UNKL: variants seen among roughly 807,000 people sequenced by gnomAD.
UNKL encodes the protein putative E3 ubiquitin-protein ligase UNKL.
UNKL carries 60 observed loss-of-function variants against 78.0 expected under a neutral mutation model. The ratio of observed to expected loss-of-function variants is 0.77; its 90% CI spans 0.63 to 0.95. UNKL has a LOEUF of 0.95. Ranked by LOEUF, UNKL falls within the 40% of genes least tolerant of loss-of-function variation. The pLI is 0.00. For missense variants in UNKL, 1,159 were observed against 1,045.7 expected, an observed-to-expected ratio of 1.11 and a Z score of -1.49; for synonymous variants, 608 against 474.8, an observed-to-expected ratio of 1.28 and a Z score of -3.65.
Position 1,414,019 on chromosome 16 carries a change from CAG to C in UNKL, c.112_113del (p.Leu38ValfsTer115), listed in dbSNP as rs1219580427. Reference protein sequence around the residue: ...LKEFRTEQCPLFSQHKCAQHR... With the variant: ...LKEFRTEQCPXFSQHKCAQHR... ...GCTGCGCGCACTTGTGCTGTGAAAA[CAG>C]GGGGCACTGCTCCGTCCTGAACTCC... is the stretch of plus-strand genomic sequence containing the variant. On this transcript the variant is annotated frameshift_variant, in exon 2 of 15. Coordinates refer to ENST00000389221, the MANE Select transcript of UNKL (RefSeq NM_001372107.1). LOFTEE classifies it high-confidence loss of function. The C allele has an allele frequency of 6.4e-7, 1 of 1,551,042 alleles. No individual in the cohort carries two copies. Among genetic ancestry groups the C allele is most frequent in the African/African-American group, 1.4e-5 (1 of 73,034 alleles).
rs1277064832 is a variant in UNKL, at chr16:1,366,254, G to T, written c.2188C>A (p.Pro730Thr). The change falls in exon 15 of 15, where the codon CCC becomes ACC. Residue 730 changes from proline (P) to threonine (T), a missense_variant. Transcript: ENST00000389221. ...APECPYCKGQ[P>T]LQW ...CCCCGCTGAGGTCACCACTGCAGGG[G>T]CTGGCCCTTGCAGTAGGGGCACTCA... The T allele has an allele frequency of 5.1e-6, 8 of 1,578,766 alleles. No individual in the cohort carries two copies. The highest frequency in any genetic ancestry group is 6.9e-6 in the Non-Finnish European group (8 of 1,163,284).
Position 1,364,227 on chromosome 16 carries a change from C to T in UNKL, c.*2013G>A, listed in dbSNP as rs1385108092. 1 of 152,218 alleles carries T rather than the reference C, an allele frequency of 6.6e-6. No homozygotes were observed. Among genetic ancestry groups the T allele is most frequent in the Non-Finnish European group, 1.5e-5 (1 of 68,046 alleles). The allele number at this position is 152,218 out of a possible 1,614,324, so 9.4% of individuals were successfully genotyped here. A position where few individuals can be genotyped will look rare whatever the true frequency, so the allele number is the denominator to read the frequency against. ...TCGATAGTTACCTTGGAGTAGTGGA[C>T]TAGCTGCAGAATGTCACGGACCCAC... On this transcript the variant is annotated 3_prime_UTR_variant, in exon 15 of 15. Coordinates refer to ENST00000389221, the MANE Select transcript of UNKL (RefSeq NM_001372107.1).
In UNKL at chr16:1,403,090, A is replaced by T. The variant is rs1408651650; in HGVS notation, c.464+78T>A. 3.4e-6 allele frequency: 5 copies of T among 1,482,932 alleles called. No individual in the cohort carries two copies. Among genetic ancestry groups the T allele is most frequent in the Non-Finnish European group, 3.6e-6 (4 of 1,112,270 alleles). The allele number at this position is 1,482,932 out of a possible 1,614,324, so 91.9% of individuals were successfully genotyped here. Reference sequence around the variant, plus strand: ...GCCTGCAGCAGCAGGGAGGCGAGCCACTTGCCGAGTTCCTGCTCATCCAGC... The same window carrying T: ...GCCTGCAGCAGCAGGGAGGCGAGCCTCTTGCCGAGTTCCTGCTCATCCAGC... On this transcript the variant is annotated intron_variant, in intron 3 of 14. Transcript: ENST00000389221. This position sits in a 1 kb window ranked among gnomAD's most constrained non-coding sequence, Gnocchi z 4.8.
Position 1,390,693 on chromosome 16 carries a change from G to A in UNKL, c.1025C>T (p.Ala342Val). The part of the protein sequence containing the change: ...SSTGSGQPGN[A>V]KRRDSPAEGG... ...CTCGGCCGGCGAGTCTCTCCGCTTGGCCTGCAACATAAAAAACAGTCATAT... is the reference window on the plus strand; with the variant it reads ...CTCGGCCGGCGAGTCTCTCCGCTTGACCTGCAACATAAAAAACAGTCATAT... Residue 342 changes from alanine (A) to valine (V), a missense_variant and splice_region_variant, in exon 9 of 15, where the codon GCC becomes GTC. By Grantham distance (64) the Ala-to-Val change is moderately conservative. Transcript: ENST00000389221. 2 of 1,536,014 alleles carry A rather than the reference G, an allele frequency of 1.3e-6. No homozygotes were observed. The highest frequency in any genetic ancestry group is 1.7e-6 in the Non-Finnish European group (2 of 1,146,874).
In UNKL at chr16:1,389,505, G is replaced by A. The variant is rs1306868587; in HGVS notation, c.1086+1127C>T. Among the ~76,000 whole-genome samples the A allele has an allele frequency of 1.6e-4, 25 of 152,200 alleles. 1 individual carries two copies. The highest frequency in any genetic ancestry group is 1.6e-3 in the Admixed American group (25 of 15,278). Reference sequence around the variant, plus strand: ...TGGGAGGACTGCTTCAAGCCTGGGAGTCCCGGGCTGCAGTGAGCTGGGACT... The same window carrying A: ...TGGGAGGACTGCTTCAAGCCTGGGAATCCCGGGCTGCAGTGAGCTGGGACT... On this transcript the variant is annotated intron_variant, in intron 9 of 14. Transcript: ENST00000389221.
intron 7 of UNKL, among the ~76,000 whole-genome samples, chr16:1,393,456 G>A (rs1337156203): frequency 4.6e-5 from 7 of 151,302 alleles, no homozygotes; most frequent in South Asian, 2.1e-4. Context: ...AGGAGGCCGC[G>A]TGGGTTCCCA....
At chr16:1,401,242 C>T (rs775520446) in intron 4 of UNKL, 16 of 233,198 alleles carry the variant, frequency 6.9e-5, no homozygotes, top group Non-Finnish European at 1.2e-4. Context: ...GCCTGGTGGG[C>T]GCCCCGGCTC....
intron 11 of UNKL, among the ~76,000 whole-genome samples, chr16:1,370,673 T>C (rs1339425866): frequency 6.6e-6 from 1 of 152,204 alleles, no homozygotes; most frequent in East Asian, 1.9e-4. Flanking sequence ...AACTAAGCCA[T>C]TGGCACGGTC....
Position 1,366,254 on chromosome 16 carries a change from G to A in UNKL, c.2188C>T (p.Pro730Ser). The stretch of plus-strand genomic sequence containing the variant: ...CCCCGCTGAGGTCACCACTGCAGGG[G>A]CTGGCCCTTGCAGTAGGGGCACTCA... The part of the protein sequence containing the change: ...APECPYCKGQ[P>S]LQW The change falls in exon 15 of 15, where the codon CCC becomes TCC. Residue 730 changes from proline (P) to serine (S), a missense_variant. Physicochemically the swap from Pro to Ser is moderately conservative, Grantham distance 74. Transcript: ENST00000389221. 4 of 1,578,766 alleles carry A rather than the reference G, an allele frequency of 2.5e-6. No homozygotes were observed. Among genetic ancestry groups the A allele is most frequent in the Non-Finnish European group, 2.6e-6 (3 of 1,163,284 alleles).
intron 5 of UNKL, chr16:1,398,681 A>ACGCCC: frequency 5.8e-6 from 4 of 694,486 alleles, no homozygotes; most frequent in Non-Finnish European, 5.8e-6. Flanking sequence ...TGGGGTCTGC[A>ACGCCC]CCCCCCCACC....
intron 10 of UNKL, chr16:1,379,740 C>A: frequency 1.0e-6 from 1 of 952,948 alleles, no homozygotes; most frequent in Admixed American, 6.8e-5. Context: ...TGACTCGGCC[C>A]CGCCCCCGTC....
At chr16:1,413,016 A>C (rs2038109815) in intron 2 of UNKL, among the ~76,000 whole-genome samples, 1 of 150,704 alleles carries the variant, frequency 6.6e-6, no homozygotes, top group Non-Finnish European at 1.5e-5. Flanking sequence ...GGGAGGCTGA[A>C]GCAGGAGGAT....
chr16:1,398,935 C>A, intron 5 of UNKL: 1 of 1,549,008 alleles, frequency 6.5e-7, no homozygotes, highest in Non-Finnish European at 8.7e-7. Context: ...GGCGTCCCAG[C>A]TGCCAGCTGT....
chr16:1,388,690 G>A (rs961643199), intron 9 of UNKL, among the ~76,000 whole-genome samples: 2 of 152,050 alleles, frequency 1.3e-5, no homozygotes, highest in Non-Finnish European at 2.9e-5. Flanking sequence ...AGTGAGAGGG[G>A]TCAGACGAGA....
chr16:1,402,478 C>T (rs546119407), intron 3 of UNKL, among the ~76,000 whole-genome samples: 13 of 152,058 alleles, frequency 8.5e-5, no homozygotes, highest in African/African-American at 2.9e-4. Flanking sequence ...CTGGCTAACA[C>T]AGTAAAACCC....
intron 9 of UNKL, among the ~76,000 whole-genome samples, chr16:1,387,000 C>T (rs1381591166): frequency 2.0e-5 from 3 of 152,166 alleles, no homozygotes; most frequent in Non-Finnish European, 2.9e-5. Flanking sequence ...TTCCTCAAGC[C>T]ATGAAAAAAC....
At chr16:1,375,415 C>T (rs536087159) in intron 10 of UNKL, among the ~76,000 whole-genome samples, 4 of 152,310 alleles carry the variant, frequency 2.6e-5, no homozygotes, top group African/African-American at 4.8e-5. Context: ...ACTCAACCCT[C>T]GTCCACACGC....
intron 12 of UNKL, 104 bp from the exon 13 acceptor site, chr16:1,367,962 T>A: frequency 1.9e-6 from 2 of 1,061,052 alleles, no homozygotes; most frequent in Non-Finnish European, 2.7e-6. Context: ...GGGCACCCTC[T>A]GGGGCTCACC....
chr16:1,412,939 G>A (rs1251882601), intron 2 of UNKL, among the ~76,000 whole-genome samples: 3 of 152,130 alleles, frequency 2.0e-5, no homozygotes, highest in East Asian at 3.9e-4. Flanking sequence ...TCTCATGCAG[G>A]AACTGTGTCA....
Sources: allele counts gnomAD v4.1 joint callset (sites outside exome capture counted in the v4.1 genomes callset), GRCh38; gene constraint gnomAD v4.1.1; non-coding constraint Gnocchi (gnomAD v3.1); transcripts MANE v1.5; gene names NCBI Gene and HGNC (gene_info 2026-07-23, HGNC 2026-07-21).